The following PCDHGA3 variants were observed in gnomAD, a reference collection of about 807,000 sequenced individuals.
PCDHGA3 encodes the protein protocadherin gamma subfamily A, 3.
Under a neutral mutation model 58.5 loss-of-function variants are expected in PCDHGA3, and 40 were observed. That is an observed-to-expected ratio of 0.68 (90% confidence interval 0.53 to 0.89). The LOEUF is 0.89. Among genes scored for constraint, PCDHGA3 ranks in the 40% least tolerant of loss-of-function variants. The pLI, the probability that PCDHGA3 is intolerant of heterozygous loss-of-function variation, is 0.00. For missense variants in PCDHGA3, 1,223 were observed against 1,195.9 expected, an observed-to-expected ratio of 1.02 and a Z score of -0.33; for synonymous variants, 530 against 525.7, an observed-to-expected ratio of 1.01 and a Z score of -0.11.
At chr5:141,459,165 C>T (rs1418626354) in intron 1 of PCDHGA3, among the ~76,000 whole-genome samples, 2 of 152,130 alleles carry the variant, frequency 1.3e-5, no homozygotes, top group African/African-American at 4.8e-5. Context: ...ATTTCTATAA[C>T]CTTCAAAAGT....
chr5:141,511,733 T>C lies in PCDHGA3; in HGVS notation c.*560T>C, dbSNP rs1032711521. 9 of 177,040 alleles carry C rather than the reference T, an allele frequency of 5.1e-5. No individual in the cohort carries two copies. The highest frequency in any genetic ancestry group is 8.7e-5 in the Non-Finnish European group (7 of 80,868). The allele number at this position is 177,040 out of a possible 1,614,324, so 11.0% of individuals were successfully genotyped here. ...TCCTTCCAGAGCCCAAGATCAATGC[T>C]CAAGTTTTGGAGGACATGATCACCA... On this transcript the variant is annotated 3_prime_UTR_variant, in exon 4 of 4. Transcript: ENST00000253812.
chr5:141,362,274 GC>G, intron 1 of PCDHGA3: 1 of 1,614,018 alleles, frequency 6.2e-7, no homozygotes. Context: ...CAATCTCCCT[GC>G]GCCTGCGACT....
Position 141,427,654 on chromosome 5 carries a change from TCCACGTGGC to T in PCDHGA3, c.2425-67151_2425-67143del, listed in dbSNP as rs562748605. On this transcript the variant is annotated intron_variant, in intron 1 of 3. Coordinates refer to ENST00000253812, the MANE Select transcript of PCDHGA3 (RefSeq NM_018916.4). ...GTTTTCCACCAAGTCTCCTACGTGG[TCCACGTGGC>T]CGAAAACAACCTTCCCGGAGCCTCC... 2.0e-4 allele frequency: 148 copies of T among 727,622 alleles called. No individual in the cohort carries two copies. The African/African-American group carries it at 2.4e-3, about 12-fold the overall frequency. The allele number at this position is 727,622 out of a possible 1,614,324, so 45.1% of individuals were successfully genotyped here.
At chr5:141,435,390 C>T (rs2097760754) in intron 1 of PCDHGA3, among the ~76,000 whole-genome samples, 1 of 152,052 alleles carries the variant, frequency 6.6e-6, no homozygotes, top group Non-Finnish European at 1.5e-5. Flanking sequence ...ACCGTATTGC[C>T]ATGACGAAAA....
At chr5:141,419,385 C>T (rs753470433) in intron 1 of PCDHGA3, 6 of 1,613,686 alleles carry the variant, frequency 3.7e-6, no homozygotes, top group Admixed American at 1.7e-5. Context: ...TCCGTGAGCG[C>T]GCAGAGCGGG....
intron 1 of PCDHGA3, among the ~76,000 whole-genome samples, chr5:141,469,289 A>G (rs2154570270): frequency 6.6e-6 from 1 of 151,932 alleles, no homozygotes; most frequent in South Asian, 2.1e-4. Flanking sequence ...AAAATAAAAC[A>G]AAATAGACTG....
In PCDHGA3 at chr5:141,486,070, T is replaced by G; in HGVS notation, c.2425-8737T>G. The G allele has an allele frequency of 6.2e-7, 1 of 1,614,158 alleles. No individual in the cohort carries two copies. Among genetic ancestry groups the G allele is most frequent in the Non-Finnish European group, 8.5e-7 (1 of 1,180,010 alleles). On this transcript the variant is annotated intron_variant, in intron 1 of 3. Coordinates refer to ENST00000253812, the MANE Select transcript of PCDHGA3 (RefSeq NM_018916.4). This position sits in a 1 kb window ranked among gnomAD's most constrained non-coding sequence, Gnocchi z 5.0. ...ACCTCTTTAGCCTGCACCCCACTAC[T>G]GGAAAGCTTACTCTTTTGGGGCCCC...
At chr5:141,475,103 G>A (rs771784343) in intron 1 of PCDHGA3, among the ~76,000 whole-genome samples, 1 of 152,176 alleles carries the variant, frequency 6.6e-6, no homozygotes, top group Non-Finnish European at 1.5e-5. Flanking sequence ...AAGATCCTAG[G>A]TGGTAAATAG....
At chr5:141,394,226 C>CT (rs771492563) in intron 1 of PCDHGA3, 132 of 1,613,834 alleles carry the variant, frequency 8.2e-5, no homozygotes, top group Non-Finnish European at 1.1e-4. Context: ...GAGCCTCCAT[C>CT]TTTTCCTTGA....
At chr5:141,385,302 A>G in intron 1 of PCDHGA3, 1 of 1,613,202 alleles carries the variant, frequency 6.2e-7, no homozygotes, top group Admixed American at 1.7e-5. Flanking sequence ...AGGAATGTAA[A>G]GAAAACCTGC....
Position 141,344,223 on chromosome 5 carries a change from G to C in PCDHGA3, c.190G>C (p.Val64Leu). ...LEPRELAERG[V>L]RIVSRGRTQL... ...GCCCCGGGAGCTGGCGGAGCGCGGA[G>C]TCCGCATCGTCTCCAGAGGTAGGAC... Residue 64 changes from valine to leucine, a missense_variant, in exon 1 of 4, where the codon GTC becomes CTC. By Grantham distance (32) the Val-to-Leu change is conservative. Coordinates refer to ENST00000253812, the MANE Select transcript of PCDHGA3 (RefSeq NM_018916.4). 2 of 1,614,056 alleles carry C rather than the reference G, an allele frequency of 1.2e-6. No individual in the cohort carries two copies. The highest frequency in any genetic ancestry group is 1.7e-6 in the Non-Finnish European group (2 of 1,179,914).
At chr5:141,433,358 C>CCTGCCTAT (rs1554125966) in intron 1 of PCDHGA3, 1 of 498,106 alleles carries the variant, frequency 2.0e-6, no homozygotes, top group Non-Finnish European at 3.5e-6. Flanking sequence ...CTACTGTCTG[C>CCTGCCTAT]CTATCTATCT....
intron 1 of PCDHGA3, chr5:141,370,328 G>T: frequency 1.4e-6 from 2 of 1,405,614 alleles, no homozygotes; most frequent in South Asian, 2.9e-5. Flanking sequence ...CCTGCTCGGA[G>T]AACTCTTGGG....
At chr5:141,466,929 T>C (rs2099132302) in intron 1 of PCDHGA3, among the ~76,000 whole-genome samples, 1 of 152,232 alleles carries the variant, frequency 6.6e-6, no homozygotes, top group African/African-American at 2.4e-5. Context: ...TTAGGAATAT[T>C]AGTCCTTTGT....
chr5:141,352,373 C>T, intron 1 of PCDHGA3: 1 of 1,614,052 alleles, frequency 6.2e-7, no homozygotes, highest in Non-Finnish European at 8.5e-7. Flanking sequence ...CGCGGTGATT[C>T]TAGCGATCGC....
chr5:141,362,234 C>T, intron 1 of PCDHGA3: 1 of 1,614,040 alleles, frequency 6.2e-7, no homozygotes, highest in Non-Finnish European at 8.5e-7. Flanking sequence ...GCCTTGATCT[C>T]AGTGCTCTTC....
chr5:141,347,162 TC>T, intron 1 of PCDHGA3, among the ~76,000 whole-genome samples: 1 of 146,024 alleles, frequency 6.8e-6, no homozygotes, highest in East Asian at 2.0e-4. Flanking sequence ...TTTCTTTCTT[TC>T]TTTCTTTCTT....
At chr5:141,347,270 C>T (rs1053311179) in intron 1 of PCDHGA3, among the ~76,000 whole-genome samples, 2 of 151,906 alleles carry the variant, frequency 1.3e-5, no homozygotes, top group African/African-American at 4.8e-5. Context: ...CCTCCCACCT[C>T]AGCCTCCCGA....
chr5:141,350,108 CT>C (rs1758409669), intron 1 of PCDHGA3: 4 of 536,778 alleles, frequency 7.5e-6, no homozygotes, highest in Non-Finnish European at 1.2e-5. Context: ...TGCCTTCCTG[CT>C]TTGTCCGGTG....
Sources: gnomAD v4.1 joint callset for allele counts (sites outside exome capture counted in the v4.1 genomes callset) on GRCh38, gnomAD v4.1.1 for gene constraint, Gnocchi (gnomAD v3.1) non-coding constraint, MANE v1.5 for transcripts, NCBI Gene and HGNC (gene_info 2026-07-23, HGNC 2026-07-21) for gene names.